Variants in NLGN1 observed in about 807,000 individuals in gnomAD.
NLGN1 encodes the protein neuroligin-1.
NLGN1 carries 12 observed loss-of-function variants against 65.5 expected under a neutral mutation model. The ratio of observed to expected loss-of-function variants is 0.18; its 90% CI spans 0.12 to 0.30. NLGN1 has a LOEUF of 0.30. NLGN1 is among the 10% of genes least tolerant of loss of function. The probability of loss-of-function intolerance (pLI) is 1.00; values close to 1 mark genes in which losing one functional copy is unlikely to be tolerated. For synonymous variants in NLGN1, 350 were observed against 359.5 expected (o/e 0.97, Z 0.30); for missense variants, 750 against 1,007.1 (o/e 0.74, Z 3.46).
At chr3:173,824,398 C>T (rs1202726361) in intron 4 of NLGN1, among the ~76,000 whole-genome samples, 1 of 152,076 alleles carries the variant, frequency 6.6e-6, no homozygotes, top group Non-Finnish European at 1.5e-5. Flanking sequence ...AATTGAATAA[C>T]ATAGACACTA....
intron 1 of NLGN1, among the ~76,000 whole-genome samples, chr3:173,430,970 G>A (rs1366978784): frequency 1.3e-5 from 2 of 152,140 alleles, no homozygotes; most frequent in African/African-American, 4.8e-5. Flanking sequence ...AATACAAACA[G>A]ATGAAGACAG....
chr3:173,739,216 C>T (rs973965755), intron 3 of NLGN1, among the ~76,000 whole-genome samples: 1 of 151,898 alleles, frequency 6.6e-6, no homozygotes, highest in Admixed American at 6.6e-5. Flanking sequence ...ATATTCCGCT[C>T]GAATAAAGGA....
intron 2 of NLGN1, among the ~76,000 whole-genome samples, chr3:173,459,149 A>T (rs1388782031): frequency 6.6e-6 from 1 of 152,086 alleles, no homozygotes; most frequent in African/African-American, 2.4e-5. Flanking sequence ...AAATTACATG[A>T]TCTTACAGCA....
intron 4 of NLGN1, among the ~76,000 whole-genome samples, chr3:174,224,817 G>T (rs1739312010): frequency 6.6e-6 from 1 of 152,142 alleles, no homozygotes; most frequent in Admixed American, 6.5e-5. Context: ...GATGGTCACT[G>T]AAATACTTTT....
intron 4 of NLGN1, among the ~76,000 whole-genome samples, chr3:173,987,986 A>G (rs576704432): frequency 6.6e-6 from 1 of 152,310 alleles, no homozygotes; most frequent in African/African-American, 2.4e-5. Flanking sequence ...TACTCTGATC[A>G]TATTACTTGA....
intron 4 of NLGN1, among the ~76,000 whole-genome samples, chr3:174,121,424 GT>G (rs559317145): frequency 3.3e-5 from 5 of 152,196 alleles, no homozygotes; most frequent in Non-Finnish European, 7.3e-5. Flanking sequence ...AATGCTGTGT[GT>G]AAAGCACAGG....
chr3:173,835,270 G>T (rs936076538), intron 4 of NLGN1, among the ~76,000 whole-genome samples: 2 of 152,022 alleles, frequency 1.3e-5, no homozygotes, highest in South Asian at 2.1e-4. Context: ...CTTCACTCTT[G>T]TATCATATAA....
intron 3 of NLGN1, 22 bp downstream of exon 3, chr3:173,605,615 A>G: frequency 8.3e-7 from 1 of 1,205,098 alleles, no homozygotes; most frequent in Non-Finnish European, 1.1e-6. Context: ...AGTGGAAATT[A>G]AAAATGGGGG....
chr3:173,584,684 G>C (rs1232358577), intron 2 of NLGN1: 5 of 151,748 alleles, frequency 3.3e-5, no homozygotes, highest in African/African-American at 9.7e-5. Flanking sequence ...GATTTACATG[G>C]AGGTGGCTTT....
chr3:173,800,428 T>C, intron 3 of NLGN1: 1 of 441,978 alleles, frequency 2.3e-6, no homozygotes. Context: ...TTTTTTTACT[T>C]CTTGTCTTTT....
At chr3:173,478,903 A>T (rs1726760285) in intron 2 of NLGN1, among the ~76,000 whole-genome samples, 1 of 150,756 alleles carries the variant, frequency 6.6e-6, no homozygotes, top group Admixed American at 6.6e-5. Context: ...ATTAAAAAAA[A>T]AAAGAAAAAG....
At chr3:173,925,286 G>A (rs1742797085) in intron 4 of NLGN1, among the ~76,000 whole-genome samples, 1 of 152,084 alleles carries the variant, frequency 6.6e-6, no homozygotes, top group Non-Finnish European at 1.5e-5. Flanking sequence ...ATCTTTTGGG[G>A]ATGTTGGTAT....
At chr3:173,712,668 A>G (rs1301898946) in intron 3 of NLGN1, among the ~76,000 whole-genome samples, 3 of 152,200 alleles carry the variant, frequency 2.0e-5, no homozygotes, top group Admixed American at 1.3e-4. Context: ...CCTAGGAGAC[A>G]TTATTCCTGT....
At chr3:174,292,498 C>G in the NLGN1 span, among the ~76,000 whole-genome samples, 131 of 147,070 alleles carry the variant, frequency 8.9e-4, 1 homozygote, top group African/African-American at 3.0e-3. Context: ...AATTTAAATT[C>G]TAAAGTGAAT....
intron 4 of NLGN1, among the ~76,000 whole-genome samples, chr3:174,141,925 A>T (rs1404299969): frequency 2.6e-5 from 4 of 152,206 alleles, no homozygotes; most frequent in South Asian, 2.1e-4. Flanking sequence ...TATATTATTT[A>T]TTTCATGTGT....
At chr3:173,498,763 G>T (rs954310118) in intron 2 of NLGN1, among the ~76,000 whole-genome samples, 2 of 151,814 alleles carry the variant, frequency 1.3e-5, no homozygotes, top group African/African-American at 4.9e-5. Flanking sequence ...GTGTGAGATG[G>T]TATCTCATTG....
chr3:173,450,947 C>T (rs1314357180), intron 2 of NLGN1, among the ~76,000 whole-genome samples: 1 of 152,160 alleles, frequency 6.6e-6, no homozygotes, highest in Non-Finnish European at 1.5e-5. Flanking sequence ...ATTGGTTATT[C>T]TAGTTATCCA....
At chr3:173,925,332 A>G (rs950276847) in intron 4 of NLGN1, among the ~76,000 whole-genome samples, 1 of 151,940 alleles carries the variant, frequency 6.6e-6, no homozygotes, top group African/African-American at 2.4e-5. Context: ...CAGTTTGAGG[A>G]AAAAAAATAG....
intron 2 of NLGN1, among the ~76,000 whole-genome samples, chr3:173,506,813 A>G (rs1560355438): frequency 2.0e-5 from 3 of 152,156 alleles, no homozygotes; most frequent in Non-Finnish European, 2.9e-5. Flanking sequence ...CTACAGCATT[A>G]TGCTATATTT....
Sources: allele counts gnomAD v4.1 joint callset (sites outside exome capture counted in the v4.1 genomes callset), GRCh38; gene constraint gnomAD v4.1.1; transcripts MANE v1.5; gene names NCBI Gene and HGNC (gene_info 2026-07-23, HGNC 2026-07-21).